The following KCTD8 variants were observed in gnomAD, a reference collection of about 807,000 sequenced individuals.
KCTD8 encodes the protein potassium channel tetramerization domain containing 8, also known as BTB/POZ domain-containing protein KCTD8.
KCTD8 carries 27 observed loss-of-function variants against 31.5 expected under a neutral mutation model. That is an observed-to-expected ratio of 0.86 (90% CI 0.63 to 1.18). The LOEUF (loss-of-function observed/expected upper bound fraction) is 1.18. KCTD8 is among the 50% of genes most tolerant of loss of function. The pLI is 0.00. For missense variants in KCTD8, 658 were observed against 647.7 expected (o/e 1.02, Z -0.17); for synonymous variants, 290 against 280.0 (o/e 1.04, Z -0.36).
In KCTD8 at chr4:44,448,603, G is replaced by A. The variant is rs1451614266; in HGVS notation, c.-80C>T. ...GAGCCCGCGCCCCAGCCCTCCGCGT[G>A]CTCCTGGCGCTCTGCGCCCTCGGAC... is the stretch of plus-strand genomic sequence containing the variant. On this transcript the variant is annotated 5_prime_UTR_variant, in exon 1 of 2. Transcript: ENST00000360029. This position sits in a 1 kb window ranked among gnomAD's most constrained non-coding sequence, Gnocchi z 4.1. 4 of 1,326,550 alleles carry A rather than the reference G, an allele frequency of 3.0e-6. No individual in the cohort carries two copies. Among genetic ancestry groups the A allele is most frequent in the Non-Finnish European group, 3.9e-6 (4 of 1,037,694 alleles). 82.2% of individuals were successfully genotyped at this position (1,326,550 alleles called of 1,614,324 possible). A position where few individuals can be genotyped will look rare whatever the true frequency, so the allele number is the denominator to read the frequency against.
chr4:44,397,657 T>C (rs1280109015), intron 1 of KCTD8, among the ~76,000 whole-genome samples: 2 of 152,174 alleles, frequency 1.3e-5, no homozygotes, highest in Non-Finnish European at 2.9e-5. Context: ...AATTTTTCTT[T>C]TTCTTCCAAC....
intron 1 of KCTD8, among the ~76,000 whole-genome samples, chr4:44,439,765 T>C (rs1721769295): frequency 6.6e-6 from 1 of 152,070 alleles, no homozygotes. Flanking sequence ...TCTCTTTGCA[T>C]CTAAGATTTT....
At chr4:44,235,338 C>T (rs781105410) in intron 1 of KCTD8, among the ~76,000 whole-genome samples, 16 of 149,450 alleles carry the variant, frequency 1.1e-4, no homozygotes, top group Non-Finnish European at 1.9e-4. Flanking sequence ...TAAATTGTTA[C>T]TTGTCATGAT....
At chr4:44,302,754 T>C (rs1717667501) in intron 1 of KCTD8, among the ~76,000 whole-genome samples, 1 of 152,036 alleles carries the variant, frequency 6.6e-6, no homozygotes, top group South Asian at 2.1e-4. Context: ...TCCAACACTA[T>C]GTTGAATAGG....
At chr4:44,208,757 C>T (rs1324078700) in intron 1 of KCTD8, among the ~76,000 whole-genome samples, 2 of 152,094 alleles carry the variant, frequency 1.3e-5, no homozygotes, top group Non-Finnish European at 2.9e-5. Context: ...CCTATAGATA[C>T]TGTAAATACT....
At chr4:44,266,239 C>A (rs1340957060) in intron 1 of KCTD8, among the ~76,000 whole-genome samples, 1 of 152,062 alleles carries the variant, frequency 6.6e-6, no homozygotes, top group Non-Finnish European at 1.5e-5. Context: ...GGCCAATATT[C>A]AACATTCTTA....
chr4:44,313,969 C>G (rs183523429), intron 1 of KCTD8, among the ~76,000 whole-genome samples: 1 of 152,216 alleles, frequency 6.6e-6, no homozygotes, highest in East Asian at 1.9e-4. Flanking sequence ...AGATAAGGCT[C>G]AAGAGGTAAA....
intron 1 of KCTD8, among the ~76,000 whole-genome samples, chr4:44,390,475 T>A (rs1199461330): frequency 6.6e-6 from 1 of 152,074 alleles, no homozygotes; most frequent in African/African-American, 2.4e-5. Context: ...CTAAGTTCTC[T>A]ATACTGTTTC....
At chr4:44,264,807 T>C (rs577652784) in intron 1 of KCTD8, among the ~76,000 whole-genome samples, 2 of 152,042 alleles carry the variant, frequency 1.3e-5, no homozygotes, top group Non-Finnish European at 2.9e-5. Flanking sequence ...CAGTCTGAGA[T>C]CAAACTGCAA....
chr4:44,445,252 C>A (rs1188524911), intron 1 of KCTD8, among the ~76,000 whole-genome samples: 1 of 152,078 alleles, frequency 6.6e-6, no homozygotes, highest in Non-Finnish European at 1.5e-5. Context: ...TTCTAGTACT[C>A]AAGACAAATT....
chr4:44,216,864 A>G (rs1714664461), intron 1 of KCTD8, among the ~76,000 whole-genome samples: 1 of 152,204 alleles, frequency 6.6e-6, no homozygotes, highest in Non-Finnish European at 1.5e-5. Context: ...TTAAGCATGC[A>G]CAAGTGACTC....
intron 1 of KCTD8, among the ~76,000 whole-genome samples, chr4:44,216,890 T>G (rs763967502): frequency 2.2e-4 from 34 of 152,020 alleles, no homozygotes; most frequent in Non-Finnish European, 4.0e-4. Flanking sequence ...ACTTCAAAAG[T>G]TAATTTTTTT....
At chr4:44,283,023 ATTTTAT>A (rs1343837738) in intron 1 of KCTD8, among the ~76,000 whole-genome samples, 1 of 134,488 alleles carries the variant, frequency 7.4e-6, no homozygotes, top group Non-Finnish European at 1.6e-5. Context: ...AAAACAACAC[ATTTTAT>A]TATTATTATT....
intron 1 of KCTD8, among the ~76,000 whole-genome samples, chr4:44,432,163 AT>A (rs1721522542): frequency 6.6e-6 from 1 of 151,212 alleles, no homozygotes; most frequent in East Asian, 1.9e-4. Flanking sequence ...ATTAGCTCTT[AT>A]TTTTTAATAA....
chr4:44,342,415 G>T (rs985242660), intron 1 of KCTD8, among the ~76,000 whole-genome samples: 3 of 150,980 alleles, frequency 2.0e-5, no homozygotes, highest in African/African-American at 7.3e-5. Flanking sequence ...CTGAGCAGTA[G>T]GTCTCGACAG....
intron 1 of KCTD8, among the ~76,000 whole-genome samples, chr4:44,399,369 G>A (rs539078646): frequency 6.7e-4 from 102 of 152,158 alleles, no homozygotes; most frequent in Admixed American, 1.7e-3. Context: ...TGGAAGTAAC[G>A]CTGAAAAAAA....
chr4:44,417,403 A>G (rs1721101506), intron 1 of KCTD8, among the ~76,000 whole-genome samples: 1 of 152,144 alleles, frequency 6.6e-6, no homozygotes, highest in African/African-American at 2.4e-5. Context: ...GTATTTGTGA[A>G]AACAGAATCT....
At chr4:44,270,136 C>T (rs1199151174) in intron 1 of KCTD8, among the ~76,000 whole-genome samples, 2 of 151,984 alleles carry the variant, frequency 1.3e-5, no homozygotes, top group Non-Finnish European at 2.9e-5. Flanking sequence ...GTCTTGGAAC[C>T]AACCCAAATG....
At chr4:44,392,791 A>T (rs1473333056) in intron 1 of KCTD8, among the ~76,000 whole-genome samples, 5 of 152,052 alleles carry the variant, frequency 3.3e-5, no homozygotes, top group African/African-American at 4.8e-5. Context: ...CGCAGAGAAC[A>T]GTCTAGCTTC....
Sources: allele counts gnomAD v4.1 joint callset (sites outside exome capture counted in the v4.1 genomes callset), GRCh38; gene constraint gnomAD v4.1.1; non-coding constraint Gnocchi (gnomAD v3.1); transcripts MANE v1.5; gene names NCBI Gene and HGNC (gene_info 2026-07-23, HGNC 2026-07-21).